The following MAMLD1 variants were observed in gnomAD, a reference collection of about 807,000 sequenced individuals.
MAMLD1 encodes the protein mastermind like domain containing 1.
A neutral mutation model predicts 45.0 loss-of-function variants in MAMLD1; 14 were observed. That is an observed-to-expected ratio of 0.31 (90% CI 0.21 to 0.49). The LOEUF (loss-of-function observed/expected upper bound fraction) is 0.49, where lower values mean the gene tolerates loss of function less well. Among genes scored for constraint, MAMLD1 ranks in the 20% least tolerant of loss-of-function variants. The pLI, the probability that MAMLD1 is intolerant of heterozygous loss-of-function variation, is 0.99. For missense variants in MAMLD1, 543 were observed against 603.6 expected, an observed-to-expected ratio of 0.90 and a Z score of 1.05; for synonymous variants, 254 against 247.8, an observed-to-expected ratio of 1.02 and a Z score of -0.24.
chrX:150,396,822 A>T (rs1221717605), intron 1 of MAMLD1, among the ~76,000 whole-genome samples: 1 of 111,669 alleles, frequency 9.0e-6, no homozygotes, highest in African/African-American at 3.3e-5. Flanking sequence ...TCCTGTCCAG[A>T]ATATATGGGA....
chrX:150,498,573 A>AT (rs1330548453), intron 5 of MAMLD1, among the ~76,000 whole-genome samples: 3 of 112,525 alleles, frequency 2.7e-5, no homozygotes, highest in Non-Finnish European at 3.7e-5. Context: ...TTAATAAAAA[A>AT]TTTAAAAAAC....
chrX:150,491,758 G>A (rs2037194690), intron 5 of MAMLD1, among the ~76,000 whole-genome samples: 1 of 111,768 alleles, frequency 8.9e-6, no homozygotes, highest in Non-Finnish European at 1.9e-5. Flanking sequence ...GATAGCTCTT[G>A]CCTCCTGATG....
At chrX:150,433,595 T>C (rs2035025319) in intron 1 of MAMLD1, among the ~76,000 whole-genome samples, 1 of 111,738 alleles carries the variant, frequency 8.9e-6, no homozygotes, top group Non-Finnish European at 1.9e-5. Flanking sequence ...CAATGCCTAG[T>C]TTGTTGAGAT....
chrX:150,403,740 G>A (rs2124523509), intron 1 of MAMLD1, among the ~76,000 whole-genome samples: 1 of 107,129 alleles, frequency 9.3e-6, no homozygotes, highest in East Asian at 2.9e-4. Flanking sequence ...AGGAGTCTGA[G>A]GTTGCAGTGA....
At chrX:150,403,953 A>AAAGAGAAAGAAAGAAAGAAAGAAAGAAAG (rs2033906813) in intron 1 of MAMLD1, among the ~76,000 whole-genome samples, 1 of 78,352 alleles carries the variant, frequency 1.3e-5, no homozygotes, top group Non-Finnish European at 2.5e-5. Context: ...AGAAAGAAAG[A>AAAGAGAAAGAAAGAAAGAAAGAAAGAAAG]AAGAAAGAAA....
chrX:150,401,216 G>C (rs1192385136), intron 1 of MAMLD1, among the ~76,000 whole-genome samples: 1 of 110,560 alleles, frequency 9.0e-6, no homozygotes, highest in Non-Finnish European at 1.9e-5. Context: ...AGCAACTTCA[G>C]CAAAGTCTCA....
At chrX:150,474,480 C>CACGAT (rs782696873) in intron 5 of MAMLD1, among the ~76,000 whole-genome samples, 1 of 112,464 alleles carries the variant, frequency 8.9e-6, no homozygotes, top group Admixed American at 9.4e-5. Flanking sequence ...GATTTGCTGT[C>CACGAT]ACGATGACTC....
chrX:150,433,539 G>T (rs921093992), intron 1 of MAMLD1, among the ~76,000 whole-genome samples: 22 of 111,799 alleles, frequency 2.0e-4, no homozygotes, highest in African/African-American at 7.2e-4. Context: ...GATGTTGGCT[G>T]TAGGCTTATC....
intron 1 of MAMLD1, among the ~76,000 whole-genome samples, chrX:150,430,141 G>C (rs1462523567): frequency 1.0e-5 from 1 of 97,766 alleles, no homozygotes; most frequent in Non-Finnish European, 2.0e-5. Flanking sequence ...CCTGCCTCAT[G>C]AGTAGCTGGA....
chrX:150,376,529 C>G (rs1343637220), intron 1 of MAMLD1, among the ~76,000 whole-genome samples: 1 of 110,763 alleles, frequency 9.0e-6, no homozygotes, highest in African/African-American at 3.3e-5. Context: ...CTGCTTGCCC[C>G]ACACCGCACT....
intron 2 of MAMLD1, among the ~76,000 whole-genome samples, chrX:150,457,696 A>G (rs181805761): frequency 3.8e-4 from 43 of 112,042 alleles, no homozygotes; most frequent in African/African-American, 1.4e-3. Flanking sequence ...AGAAAACATG[A>G]TGCCGGGTGA....
chrX:150,467,999 G>A (rs1416291223), intron 3 of MAMLD1, among the ~76,000 whole-genome samples: 2 of 112,442 alleles, frequency 1.8e-5, no homozygotes, highest in Admixed American at 1.9e-4. Context: ...TAAAGAAACT[G>A]GGGCTCTGAG....
intron 1 of MAMLD1, among the ~76,000 whole-genome samples, chrX:150,369,062 T>C (rs1221634468): frequency 7.1e-5 from 8 of 112,535 alleles, no homozygotes; most frequent in Middle Eastern, 4.2e-3. Flanking sequence ...TTTGGTTCCA[T>C]ATGAACTTTA....
chrX:150,420,698 A>G lies in MAMLD1; in HGVS notation c.-63-24756A>G, dbSNP rs781931117. ...TACAGGTCTGTTGGAGTACCCTGCC[A>G]TGTGAGGTGTCAGTGTGCCCCTGCT... On this transcript the variant is annotated intron_variant, in intron 1 of 7. Coordinates refer to ENST00000370401, the MANE Select transcript of MAMLD1 (RefSeq NM_005491.5). Among the ~76,000 whole-genome samples the G allele has an allele frequency of 1.9e-4, 21 of 111,984 alleles. No individual in the cohort carries two copies. In the South Asian group the frequency reaches 3.0e-3, roughly 16 times the overall value.
intron 2 of MAMLD1, among the ~76,000 whole-genome samples, chrX:150,450,041 A>G (rs2035611477): frequency 9.0e-6 from 1 of 111,567 alleles, no homozygotes; most frequent in African/African-American, 3.3e-5. Context: ...CCTGCCTCCA[A>G]AGCTCTTCCT....
intron 1 of MAMLD1, among the ~76,000 whole-genome samples, chrX:150,387,290 A>C (rs923891931): frequency 1.1e-4 from 12 of 111,711 alleles, no homozygotes; most frequent in African/African-American, 3.9e-4. Context: ...AATCTGATTT[A>C]ATGGTCAAAA....
Position 150,512,235 on chromosome X carries a change from G to A in MAMLD1, c.*276G>A. 1 of 1,119,403 alleles carries A rather than the reference G, an allele frequency of 8.9e-7. No individual in the cohort carries two copies. Among genetic ancestry groups the A allele is most frequent in the Non-Finnish European group, 1.2e-6 (1 of 852,353 alleles). The allele number at this position is 1,119,403 out of a possible 1,213,427, so 92.3% of individuals were successfully genotyped here. On this transcript the variant is annotated 3_prime_UTR_variant, in exon 8 of 8. Transcript: ENST00000370401. ...CAGTGTCCCATCCTCTCACACTCAG[G>A]CCAGACTCCCCTGGGCAGACTTGAC...
intron 6 of MAMLD1, chrX:150,505,128 G>A (rs1022377437): frequency 1.1e-5 from 8 of 736,727 alleles, no homozygotes; most frequent in East Asian, 1.5e-4. Flanking sequence ...GATCTCTGCC[G>A]TTTGCTTTCA....
chrX:150,473,742 C>T lies in MAMLD1; in HGVS notation c.1980C>T (p.His660=), dbSNP rs782763883. The change falls in exon 5 of 8, where the codon CAC becomes CAT. Residue 660 remains histidine, a synonymous_variant. Transcript: ENST00000370401. ...AASSVKPQHQ[H]GNSFTSRQDP... ...GCTCGGTGAAGCCCCAGCATCAACACGGGAACTCTTTCACTAGCAGGCAAG... is the reference window on the plus strand; with the variant it reads ...GCTCGGTGAAGCCCCAGCATCAACATGGGAACTCTTTCACTAGCAGGCAAG... The T allele has an allele frequency of 5.0e-5, 60 of 1,203,479 alleles. No individual in the cohort carries two copies. The South Asian group carries it at 6.0e-4, about 12-fold the overall frequency.
Sources: gnomAD v4.1 joint callset for allele counts (sites outside exome capture counted in the v4.1 genomes callset) on GRCh38, gnomAD v4.1.1 for gene constraint, MANE v1.5 for transcripts, NCBI Gene and HGNC (gene_info 2026-07-23, HGNC 2026-07-21) for gene names.